Variants in PLPPR1 observed in about 807,000 individuals in gnomAD.
PLPPR1 encodes phospholipid phosphatase related 1, also known as phospholipid phosphatase-related protein type 1.
Under a neutral mutation model 33.1 loss-of-function variants are expected in PLPPR1, and 10 were observed. That is an observed-to-expected ratio of 0.30 (90% CI 0.19 to 0.51). The LOEUF (loss-of-function observed/expected upper bound fraction) is 0.51, where lower values mean the gene tolerates loss of function less well. PLPPR1 is among the 20% of genes least tolerant of loss of function. PLPPR1 has a pLI of 0.97. For missense variants in PLPPR1, 304 were observed against 408.1 expected (o/e 0.74, Z 2.20); for synonymous variants, 151 against 151.0 (o/e 1.00, Z 0.00).
chr9:101,072,870 C>A (rs1830496982), intron 1 of PLPPR1, among the ~76,000 whole-genome samples: 1 of 152,122 alleles, frequency 6.6e-6, no homozygotes, highest in African/African-American at 2.4e-5. Flanking sequence ...CATATGAAAG[C>A]TTTTTATTCT....
At chr9:101,127,301 A>G (rs1588038893) in intron 1 of PLPPR1, among the ~76,000 whole-genome samples, 1 of 152,202 alleles carries the variant, frequency 6.6e-6, no homozygotes, top group East Asian at 1.9e-4. Context: ...ACCCAACACC[A>G]GGTCATGGGG....
At chr9:101,154,000 G>C (rs187109998) in intron 1 of PLPPR1, among the ~76,000 whole-genome samples, 16 of 152,128 alleles carry the variant, frequency 1.1e-4, no homozygotes, top group African/African-American at 2.9e-4. Flanking sequence ...CTGTTTATAT[G>C]CTGGATTACA....
At chr9:101,146,732 G>A (rs1831525828) in intron 1 of PLPPR1, among the ~76,000 whole-genome samples, 1 of 152,200 alleles carries the variant, frequency 6.6e-6, no homozygotes, top group African/African-American at 2.4e-5. Context: ...CCAGGACACA[G>A]TACATTGCCT....
At chr9:101,091,321 T>C (rs1830739104) in intron 1 of PLPPR1, among the ~76,000 whole-genome samples, 1 of 152,162 alleles carries the variant, frequency 6.6e-6, no homozygotes, top group East Asian at 1.9e-4. Flanking sequence ...GTGATTTAAA[T>C]GTACAACTTT....
At chr9:101,165,660 A>G (rs1825843306) in intron 1 of PLPPR1, among the ~76,000 whole-genome samples, 1 of 152,202 alleles carries the variant, frequency 6.6e-6, no homozygotes, top group Non-Finnish European at 1.5e-5. Context: ...ATTGGGATTC[A>G]TGGAAAAGGA....
intron 2 of PLPPR1, among the ~76,000 whole-genome samples, chr9:101,264,237 A>G (rs989143477): frequency 6.6e-6 from 1 of 152,052 alleles, no homozygotes; most frequent in African/African-American, 2.4e-5. Context: ...TCATGTCACA[A>G]CCGTGTCAGT....
chr9:101,124,124 T>C (rs1199610621), intron 1 of PLPPR1, among the ~76,000 whole-genome samples: 2 of 152,238 alleles, frequency 1.3e-5, no homozygotes, highest in South Asian at 2.1e-4. Flanking sequence ...CAAGGCACTT[T>C]CATGCTCTGC....
chr9:101,193,978 A>C (rs1435154836), intron 2 of PLPPR1, among the ~76,000 whole-genome samples: 1 of 152,186 alleles, frequency 6.6e-6, no homozygotes, highest in Non-Finnish European at 1.5e-5. Flanking sequence ...AGAAATGTTG[A>C]AATATGAGAC....
At chr9:101,245,468 A>G (rs1372615813) in intron 2 of PLPPR1, among the ~76,000 whole-genome samples, 1 of 152,032 alleles carries the variant, frequency 6.6e-6, no homozygotes, top group Non-Finnish European at 1.5e-5. Flanking sequence ...TAGGGTTGCA[A>G]CAAGATACAG....
chr9:101,038,600 G>A (rs1401727520), intron 1 of PLPPR1, among the ~76,000 whole-genome samples: 2 of 152,096 alleles, frequency 1.3e-5, no homozygotes, highest in Non-Finnish European at 2.9e-5. Flanking sequence ...GATTGAAGAG[G>A]CTGGGATAAC....
chr9:101,226,603 A>G (rs970248754), intron 2 of PLPPR1, among the ~76,000 whole-genome samples: 36 of 152,058 alleles, frequency 2.4e-4, no homozygotes, highest in African/African-American at 8.0e-4. Context: ...AAGGAGTGAG[A>G]GAGCTTGCTG....
chr9:101,123,557 C>T (rs1185259263), intron 1 of PLPPR1, among the ~76,000 whole-genome samples: 2 of 152,114 alleles, frequency 1.3e-5, no homozygotes, highest in African/African-American at 2.4e-5. Context: ...ATTGTGGAGG[C>T]TGTGAAGGCC....
chr9:101,292,388 C>A lies in PLPPR1; in HGVS notation c.385+6152C>A, dbSNP rs532686396. 1.8e-4 allele frequency among the ~76,000 whole-genome samples: 27 copies of A among 152,292 alleles called. No individual in the cohort carries two copies. In the South Asian group the frequency reaches 5.0e-3, roughly 28 times the overall value. Reference sequence around the variant, plus strand: ...CTCTGCAGGATATTATCCAGGAGAACTTCCCCAATCTAGCAAGGCAGGCCA... The same window carrying A: ...CTCTGCAGGATATTATCCAGGAGAAATTCCCCAATCTAGCAAGGCAGGCCA... On this transcript the variant is annotated intron_variant, in intron 4 of 7. Transcript: ENST00000374874.
chr9:101,256,198 C>T (rs945440150), intron 2 of PLPPR1, among the ~76,000 whole-genome samples: 2 of 152,152 alleles, frequency 1.3e-5, no homozygotes, highest in African/African-American at 4.8e-5. Context: ...TCTTTTGAAA[C>T]TTTCTGCATA....
intron 4 of PLPPR1, among the ~76,000 whole-genome samples, chr9:101,306,556 A>G (rs927894604): frequency 6.6e-6 from 1 of 152,218 alleles, no homozygotes; most frequent in South Asian, 2.1e-4. Flanking sequence ...TCTGGCAAAT[A>G]AAAAGTGCTT....
intron 1 of PLPPR1, among the ~76,000 whole-genome samples, chr9:101,137,552 C>T (rs867647317): frequency 6.6e-6 from 1 of 152,242 alleles, no homozygotes; most frequent in African/African-American, 2.4e-5. Context: ...TGTACAGCTT[C>T]GTGAGCAGAG....
At chr9:101,233,720 C>A (rs1454630629) in intron 2 of PLPPR1, among the ~76,000 whole-genome samples, 2 of 151,916 alleles carry the variant, frequency 1.3e-5, no homozygotes, top group Non-Finnish European at 2.9e-5. Flanking sequence ...TTGGACTTCT[C>A]ACCCTCCAGG....
chr9:101,051,017 T>A (rs765144926), intron 1 of PLPPR1, among the ~76,000 whole-genome samples: 2 of 152,140 alleles, frequency 1.3e-5, no homozygotes, highest in Non-Finnish European at 2.9e-5. Flanking sequence ...CCGAAGATGA[T>A]CCTTTCATAG....
chr9:101,159,581 T>C (rs1164511501), intron 1 of PLPPR1, among the ~76,000 whole-genome samples: 1 of 152,194 alleles, frequency 6.6e-6, no homozygotes, highest in Non-Finnish European at 1.5e-5. Flanking sequence ...ACTCAGCACT[T>C]ACACTACTTT....
Sources: gnomAD v4.1 joint callset for allele counts (sites outside exome capture counted in the v4.1 genomes callset) on GRCh38, gnomAD v4.1.1 for gene constraint, MANE v1.5 for transcripts, NCBI Gene and HGNC (gene_info 2026-07-23, HGNC 2026-07-21) for gene names.